The following XXYLT1 variants were observed in gnomAD, a reference collection of about 807,000 sequenced individuals.
XXYLT1 encodes the protein xyloside xylosyltransferase 1.
Under a neutral mutation model 28.9 loss-of-function variants are expected in XXYLT1, and 20 were observed. The observed-to-expected ratio is 0.69, with a 90% CI of 0.49 to 1.00. The LOEUF is 1.00. Ranked by LOEUF, XXYLT1 falls within the 50% of genes least tolerant of loss-of-function variation. XXYLT1 has a pLI of 0.00. For synonymous variants in XXYLT1, 257 were observed against 253.8 expected (o/e 1.01, Z -0.12); for missense variants, 542 against 560.1 (o/e 0.97, Z 0.33).
At chr3:195,085,571 T>C (rs1006388687) in intron 3 of XXYLT1, among the ~76,000 whole-genome samples, 1 of 152,166 alleles carries the variant, frequency 6.6e-6, no homozygotes, top group Non-Finnish European at 1.5e-5. Context: ...AGCAGGAGCT[T>C]AGCTCCTGTG....
Position 195,226,809 on chromosome 3 carries a change from G to T in XXYLT1, c.552C>A (p.Ile184=), listed in dbSNP as rs372667417. 4 of 1,613,642 alleles carry T rather than the reference G, an allele frequency of 2.5e-6. No individual in the cohort carries two copies. In the African/African-American group the frequency reaches 5.3e-5, roughly 22 times the overall value. The part of the protein sequence containing the change: ...VAVLTDKLFP[I]VEAMQKHFSA... Reference sequence around the variant, plus strand: ...TGAAGTGCTTCTGCATGGCCTCCACGATGGGGAAGAGCTTATCCGTCAGCA... The same window carrying T: ...TGAAGTGCTTCTGCATGGCCTCCACTATGGGGAAGAGCTTATCCGTCAGCA... The change falls in exon 2 of 4, where the codon ATC becomes ATA. Residue 184 remains isoleucine (I), a synonymous_variant. Coordinates refer to ENST00000310380, the MANE Select transcript of XXYLT1 (RefSeq NM_152531.5).
In XXYLT1 at chr3:195,076,276, G is replaced by A. The variant is rs1467633222; in HGVS notation, c.786-6165C>T. Reference sequence around the variant, plus strand: ...TGTGCACAGCTTTAATCAGGACAGTGTTACCACCCACCCCACACCCACCCG... The same window carrying A: ...TGTGCACAGCTTTAATCAGGACAGTATTACCACCCACCCCACACCCACCCG... On this transcript the variant is annotated intron_variant, in intron 3 of 3. Coordinates refer to ENST00000310380, the MANE Select transcript of XXYLT1 (RefSeq NM_152531.5). The surrounding 1 kb of genome is among the most constrained non-coding windows in gnomAD (Gnocchi z 5.3). Among the ~76,000 whole-genome samples, 1 of 144,384 alleles carries A rather than the reference G, an allele frequency of 6.9e-6. No homozygotes were observed. Among genetic ancestry groups the A allele is most frequent in the Admixed American group, 6.8e-5 (1 of 14,640 alleles). The allele number at this position is 144,384 out of a possible 152,430, so 94.7% of individuals were successfully genotyped here. A position where few individuals can be genotyped will look rare whatever the true frequency, so the allele number is the denominator to read the frequency against.
rs572365356 is a variant in XXYLT1, at chr3:195,168,027, A to G, written c.653-11446T>C. 5.3e-5 allele frequency among the ~76,000 whole-genome samples: 8 copies of G among 152,320 alleles called. No homozygotes were observed. Among genetic ancestry groups the G allele is most frequent in the African/African-American group, 1.9e-4 (8 of 41,560 alleles). On this transcript the variant is annotated intron_variant, in intron 2 of 3. Coordinates refer to ENST00000310380, the MANE Select transcript of XXYLT1 (RefSeq NM_152531.5). The surrounding 1 kb of genome is among the most constrained non-coding windows in gnomAD (Gnocchi z 4.3). Reference sequence around the variant, plus strand: ...TTTCCTCTATTTGTTTTTTTAAACAACTGTTGACATGGGCTCTCCATTATT... The same window carrying G: ...TTTCCTCTATTTGTTTTTTTAAACAGCTGTTGACATGGGCTCTCCATTATT...
At chr3:195,201,940 A>T (rs944043160) in intron 2 of XXYLT1, among the ~76,000 whole-genome samples, 3 of 152,158 alleles carry the variant, frequency 2.0e-5, no homozygotes, top group African/African-American at 7.2e-5. Flanking sequence ...GCACTTTGGG[A>T]GGCCAAGGTG....
intron 2 of XXYLT1, among the ~76,000 whole-genome samples, chr3:195,191,207 T>G (rs1722404499): frequency 6.6e-6 from 1 of 152,098 alleles, no homozygotes; most frequent in Non-Finnish European, 1.5e-5. Context: ...TCAATAAAAG[T>G]TATACCAAGT....
Position 195,162,325 on chromosome 3 carries a change from T to G in XXYLT1, c.653-5744A>C, listed in dbSNP as rs541065677. Among the ~76,000 whole-genome samples, 32 of 152,190 alleles carry G rather than the reference T, an allele frequency of 2.1e-4. No individual in the cohort carries two copies. In the South Asian group the frequency reaches 6.2e-3, roughly 30 times the overall value. On this transcript the variant is annotated intron_variant, in intron 2 of 3. Transcript: ENST00000310380. Reference sequence around the variant, plus strand: ...TCTGCCCAGACAGGAAGGCCTTGACTCTCACTGTGCTAATCTATGTTTTCC... The same window carrying G: ...TCTGCCCAGACAGGAAGGCCTTGACGCTCACTGTGCTAATCTATGTTTTCC...
At chr3:195,098,775 T>C (rs933319478) in intron 3 of XXYLT1, among the ~76,000 whole-genome samples, 1 of 152,186 alleles carries the variant, frequency 6.6e-6, no homozygotes, top group Non-Finnish European at 1.5e-5. Flanking sequence ...TGCCTCTTGA[T>C]GGCAATCAGA....
chr3:195,100,904 C>T (rs1190094163), intron 3 of XXYLT1, among the ~76,000 whole-genome samples: 1 of 152,260 alleles, frequency 6.6e-6, no homozygotes, highest in Non-Finnish European at 1.5e-5. Context: ...GTGCCTGGCA[C>T]AAAGCAGGGA....
At position 195,120,292 on chromosome 3, in the gene XXYLT1, C is replaced by CCCT. The variant is rs10663519; in HGVS notation, c.785+36156_785+36157insAGG. Among the ~76,000 whole-genome samples, 40 of 144,026 alleles carry CCCT rather than the reference C, an allele frequency of 2.8e-4. 3 individuals are homozygous for CCCT. Among genetic ancestry groups the CCCT allele is most frequent in the Middle Eastern group, 7.0e-3 (2 of 286 alleles). The allele number at this position is 144,026 out of a possible 152,430, so 94.5% of individuals were successfully genotyped here. On this transcript the variant is annotated intron_variant, in intron 3 of 3. Transcript: ENST00000310380. ...CCCTCTGCTGCTCAGATGCCCCCCC[C>CCCT]GCCCCAGCCCCCATGGCCACAGAGA... is the stretch of plus-strand genomic sequence containing the variant.
At chr3:195,215,036 A>G (rs1342627225) in intron 2 of XXYLT1, 1 of 150,646 alleles carries the variant, frequency 6.6e-6, no homozygotes, top group Admixed American at 6.6e-5. Context: ...TAAAGAAAAG[A>G]ATTTTCAACC....
At chr3:195,247,039 G>T (rs1012854456) in intron 1 of XXYLT1, among the ~76,000 whole-genome samples, 1 of 152,174 alleles carries the variant, frequency 6.6e-6, no homozygotes, top group South Asian at 2.1e-4. Flanking sequence ...TGCACAGTGG[G>T]TAGAAGCATT....
At chr3:195,085,685 C>A (rs903481487) in intron 3 of XXYLT1, among the ~76,000 whole-genome samples, 2 of 152,226 alleles carry the variant, frequency 1.3e-5, no homozygotes, top group Admixed American at 6.5e-5. Flanking sequence ...CAGACTGATG[C>A]GGCGAGACCA....
chr3:195,140,214 G>C (rs572065163), intron 3 of XXYLT1, among the ~76,000 whole-genome samples: 1 of 152,318 alleles, frequency 6.6e-6, no homozygotes, highest in East Asian at 1.9e-4. Context: ...TCGATTCCTT[G>C]ATTCCTTCTG....
At chr3:195,155,828 G>A (rs1229952417) in intron 3 of XXYLT1, among the ~76,000 whole-genome samples, 2 of 152,168 alleles carry the variant, frequency 1.3e-5, no homozygotes, top group South Asian at 2.1e-4. Flanking sequence ...GAATGAATGC[G>A]TTTTATTTAT....
intron 1 of XXYLT1, among the ~76,000 whole-genome samples, chr3:195,260,784 C>T (rs547341312): frequency 1.2e-4 from 19 of 152,194 alleles, no homozygotes; most frequent in Non-Finnish European, 2.6e-4. Context: ...ATCAGCTGGA[C>T]GGGGGACACT....
intron 1 of XXYLT1, among the ~76,000 whole-genome samples, chr3:195,252,859 G>A (rs1267910449): frequency 6.6e-6 from 1 of 152,110 alleles, no homozygotes; most frequent in African/African-American, 2.4e-5. Flanking sequence ...TGAACAATAA[G>A]CTGGAGACAG....
At chr3:195,243,460 C>A (rs917427531) in intron 1 of XXYLT1, among the ~76,000 whole-genome samples, 1 of 150,994 alleles carries the variant, frequency 6.6e-6, no homozygotes, top group African/African-American at 2.4e-5. Flanking sequence ...TTCTTAATAA[C>A]TTCTCTATTA....
At position 195,221,096 on chromosome 3, in the gene XXYLT1, C is replaced by G. The variant is rs182296500; in HGVS notation, c.652+5613G>C. ...TTCCTCCCATAACCTCCCAAAAACCCGTAACCTCAGTCTAATGATGAGAAA... is the reference window on the plus strand; with the variant it reads ...TTCCTCCCATAACCTCCCAAAAACCGGTAACCTCAGTCTAATGATGAGAAA... On this transcript the variant is annotated intron_variant, in intron 2 of 3. Transcript: ENST00000310380. 2.9e-3 allele frequency among the ~76,000 whole-genome samples: 444 copies of G among 152,208 alleles called. 7 individuals are homozygous for G. The highest frequency in any genetic ancestry group is 2.9e-3 in the Non-Finnish European group (194 of 68,008).
At chr3:195,110,224 TATA>T in intron 3 of XXYLT1, among the ~76,000 whole-genome samples, 1 of 43,270 alleles carries the variant, frequency 2.3e-5, no homozygotes, top group African/African-American at 6.7e-5. Context: ...GTGTGTGGTG[TATA>T]AGTGTGTGGT....
Sources: allele counts gnomAD v4.1 joint callset (sites outside exome capture counted in the v4.1 genomes callset), GRCh38; gene constraint gnomAD v4.1.1; non-coding constraint Gnocchi (gnomAD v3.1); transcripts MANE v1.5; gene names NCBI Gene and HGNC (gene_info 2026-07-23, HGNC 2026-07-21).